Variants in SENP5 observed in about 807,000 individuals in gnomAD.
SENP5 encodes sentrin-specific protease 5.
In SENP5, 21 loss-of-function variants were observed where a neutral mutation model predicts 74.2. The observed-to-expected ratio is 0.28, with a 90% confidence interval of 0.20 to 0.41. The LOEUF (loss-of-function observed/expected upper bound fraction) is 0.41, where lower values mean the gene tolerates loss of function less well. SENP5 is among the 10% of genes least tolerant of loss of function. SENP5 has a pLI of 1.00. For synonymous variants in SENP5, 311 were observed against 312.7 expected (o/e 0.99, Z 0.06); for missense variants, 717 against 889.1 (o/e 0.81, Z 2.46).
In SENP5 at chr3:196,886,176, C is replaced by T; in HGVS notation, c.995C>T (p.Ser332Phe). The change falls in exon 2 of 10, where the codon TCT becomes TTT. Residue 332 changes from serine (S) to phenylalanine (F), a missense_variant. Transcript: ENST00000323460. Reference sequence around the variant, plus strand: ...CCTGATTGCCACACTAAAGGAAGCTCTTTCTTGGGCAAGGAGCTTAGTTTA... The same window carrying T: ...CCTGATTGCCACACTAAAGGAAGCTTTTTCTTGGGCAAGGAGCTTAGTTTA... ...HVPDCHTKGS[S>F]FLGKELSLDE... 3 of 1,614,232 alleles carry T rather than the reference C, an allele frequency of 1.9e-6. No homozygotes were observed. The highest frequency in any genetic ancestry group is 2.5e-6 in the Non-Finnish European group (3 of 1,180,044).
At chr3:196,868,505 C>T (rs1025775296) in intron 1 of SENP5, among the ~76,000 whole-genome samples, 2 of 152,270 alleles carry the variant, frequency 1.3e-5, no homozygotes, top group Non-Finnish European at 2.9e-5. Flanking sequence ...TTCCAGAGAG[C>T]CCGGTTGGGC....
At chr3:196,874,803 C>G (rs551663962) in intron 1 of SENP5, among the ~76,000 whole-genome samples, 1 of 151,992 alleles carries the variant, frequency 6.6e-6, no homozygotes, top group South Asian at 2.1e-4. Flanking sequence ...TGCTTGAACC[C>G]GGGAGGCGGA....
At chr3:196,869,598 T>G (rs960431830) in intron 1 of SENP5, among the ~76,000 whole-genome samples, 10 of 151,016 alleles carry the variant, frequency 6.6e-5, no homozygotes, top group Non-Finnish European at 1.2e-4. Context: ...CCATCTCTAC[T>G]AAAAATACAA....
chr3:196,925,299 C>T (rs1465207475), intron 7 of SENP5, among the ~76,000 whole-genome samples: 1 of 151,578 alleles, frequency 6.6e-6, no homozygotes, highest in Non-Finnish European at 1.5e-5. Context: ...CCAAGAAATC[C>T]AGGAAAAAAA....
rs1242643022 is a variant in SENP5 at position 196,914,584 on chromosome 3, A to AT, written c.1885-8830_1885-8829insT. 7.6e-3 allele frequency: 448 copies of AT among 59,146 alleles called. 2 individuals carry two copies. The highest frequency in any genetic ancestry group is 0.018 in the African/African-American group (222 of 12,512). 3.7% of individuals were successfully genotyped at this position (59,146 alleles called of 1,614,324 possible). ...TGCTTTAAAAAAAAAAAAAAAAAAAAAAATATATATATATATATATATATA... is the reference window on the plus strand; with the variant it reads ...TGCTTTAAAAAAAAAAAAAAAAAAAATAAATATATATATATATATATATATA... On this transcript the variant is annotated intron_variant, in intron 6 of 9. Transcript: ENST00000323460.
chr3:196,873,272 C>T (rs1713297408), intron 1 of SENP5, among the ~76,000 whole-genome samples: 1 of 151,506 alleles, frequency 6.6e-6, no homozygotes, highest in Non-Finnish European at 1.5e-5. Flanking sequence ...GGGGTTTCTC[C>T]ATGTTGGTCA....
intron 6 of SENP5, among the ~76,000 whole-genome samples, chr3:196,907,522 G>A (rs987778166): frequency 2.6e-5 from 4 of 151,780 alleles, no homozygotes; most frequent in African/African-American, 9.7e-5. Flanking sequence ...TACAAGCAGT[G>A]TGGGCAAAAA....
At chr3:196,894,024 A>G (rs1714327728) in intron 2 of SENP5, among the ~76,000 whole-genome samples, 1 of 152,004 alleles carries the variant, frequency 6.6e-6, no homozygotes. Context: ...ATGGTCGTGT[A>G]TGAGAAAAAA....
chr3:196,884,859 C>T (rs1246696291), intron 1 of SENP5, among the ~76,000 whole-genome samples: 1 of 152,028 alleles, frequency 6.6e-6, no homozygotes, highest in Non-Finnish European at 1.5e-5. Context: ...TCCCAGAGTG[C>T]TGGGATTGCA....
chr3:196,872,333 C>T (rs1308676284), intron 1 of SENP5, among the ~76,000 whole-genome samples: 1 of 152,092 alleles, frequency 6.6e-6, no homozygotes, highest in Admixed American at 6.6e-5. Context: ...AATTACTGGA[C>T]CGTTGTATTC....
chr3:196,873,379 G>A (rs1713305234), intron 1 of SENP5, among the ~76,000 whole-genome samples: 1 of 151,394 alleles, frequency 6.6e-6, no homozygotes, highest in East Asian at 2.0e-4. Context: ...GGCCCCAGCC[G>A]AGACTTAACG....
At chr3:196,869,396 G>A (rs796760063) in intron 1 of SENP5, among the ~76,000 whole-genome samples, 2 of 151,524 alleles carry the variant, frequency 1.3e-5, no homozygotes, top group African/African-American at 4.8e-5. Context: ...TAGACATGGG[G>A]TTTCACCATG....
In SENP5 at chr3:196,886,105, A is replaced by C; in HGVS notation, c.924A>C (p.Pro308=). ...CTTGTCGGCATCAGCCGTACTTTCC[A>C]GATATGGACAGCAGTGCTGTGGTGA... is the stretch of plus-strand genomic sequence containing the variant. ...DPSCRHQPYF[P]DMDSSAVVKG... is the part of the protein sequence containing the mutation. The change falls in exon 2 of 10, where the codon CCA becomes CCC. Residue 308 remains proline (P), a synonymous_variant. Coordinates refer to ENST00000323460, the MANE Select transcript of SENP5 (RefSeq NM_152699.5). 1 of 1,614,228 alleles carries C rather than the reference A, an allele frequency of 6.2e-7. No homozygotes were observed.
intron 6 of SENP5, among the ~76,000 whole-genome samples, chr3:196,914,819 T>A (rs1041622561): frequency 5.3e-5 from 8 of 151,564 alleles, no homozygotes; most frequent in Non-Finnish European, 1.0e-4. Context: ...TTTAACAGCA[T>A]CTCAAGGAAA....
chr3:196,884,346 A>G (rs1560141660), intron 1 of SENP5, among the ~76,000 whole-genome samples: 1 of 152,220 alleles, frequency 6.6e-6, no homozygotes, highest in Non-Finnish European at 1.5e-5. Context: ...ACACACATAT[A>G]CTGCAGGAAC....
chr3:196,883,029 G>C (rs1713795994), intron 1 of SENP5, among the ~76,000 whole-genome samples: 1 of 151,800 alleles, frequency 6.6e-6, no homozygotes, highest in Non-Finnish European at 1.5e-5. Context: ...GGAGATGAGT[G>C]GCAAAGTGTG....
At chr3:196,929,987 T>TA (rs76093991) in intron 9 of SENP5, among the ~76,000 whole-genome samples, 3,098 of 136,560 alleles carry the variant, frequency 0.023, 54 homozygotes, top group Admixed American at 0.056. Context: ...GGCATTTGCA[T>TA]AAAAAAAAAA....
chr3:196,873,750 G>A (rs1713329217), intron 1 of SENP5, among the ~76,000 whole-genome samples: 1 of 152,130 alleles, frequency 6.6e-6, no homozygotes, highest in African/African-American at 2.4e-5. Context: ...TGAGGCAGGA[G>A]AATCCTTGAA....
chr3:196,889,292 G>A (rs536818822), intron 2 of SENP5, among the ~76,000 whole-genome samples: 2 of 151,950 alleles, frequency 1.3e-5, no homozygotes, highest in African/African-American at 4.8e-5. Context: ...ACTTACACCT[G>A]AAAAGAATTA....
Sources: allele counts gnomAD v4.1 joint callset (sites outside exome capture counted in the v4.1 genomes callset), GRCh38; gene constraint gnomAD v4.1.1; transcripts MANE v1.5; gene names NCBI Gene and HGNC (gene_info 2026-07-23, HGNC 2026-07-21).